The following COL9A1 variants were observed in gnomAD, a reference collection of about 807,000 sequenced individuals.
COL9A1 encodes collagen alpha-1(IX) chain.
COL9A1 carries 104 observed loss-of-function variants against 142.6 expected under a neutral mutation model. The observed-to-expected ratio is 0.73, with a 90% confidence interval of 0.62 to 0.86. The LOEUF (loss-of-function observed/expected upper bound fraction) is 0.86, where lower values mean the gene tolerates loss of function less well. Among genes scored for constraint, COL9A1 ranks in the 40% least tolerant of loss-of-function variants. COL9A1 has a pLI of 0.00. For missense variants in COL9A1, 1,210 were observed against 1,176.6 expected (o/e 1.03, Z -0.42); for synonymous variants, 466 against 396.0 (o/e 1.18, Z -2.10).
intron 20 of COL9A1, among the ~76,000 whole-genome samples, chr6:70,257,831 T>C (rs961439467): frequency 2.0e-5 from 3 of 152,186 alleles, no homozygotes; most frequent in African/African-American, 7.2e-5. Context: ...CTGCCACAAC[T>C]GTGAGAGGGA....
rs1193411382 is a variant in COL9A1 at position 70,302,884 on chromosome 6, C to T, written c.14+27G>A. The T allele has an allele frequency of 6.2e-6, 10 of 1,613,534 alleles. No homozygotes were observed. The Admixed American group carries it at 6.7e-5, about 11-fold the overall frequency. On this transcript the variant is annotated intron_variant, in intron 1 of 37. Coordinates refer to ENST00000357250, the MANE Select transcript of COL9A1 (RefSeq NM_001851.6). ...GAGGACCCCCAGCTCCATCTCCCCA[C>T]CACTCTTTCCAGGGTTATTGTCTTA...
At chr6:70,227,230 C>T (rs934080995) in intron 36 of COL9A1, among the ~76,000 whole-genome samples, 1 of 151,702 alleles carries the variant, frequency 6.6e-6, no homozygotes, top group Non-Finnish European at 1.5e-5. Flanking sequence ...AGAATTATGA[C>T]CTCAGATTGG....
intron 4 of COL9A1, among the ~76,000 whole-genome samples, 153 bp from the exon 5 acceptor site, chr6:70,294,716 A>G (rs529430216): frequency 1.3e-5 from 2 of 152,336 alleles, no homozygotes; most frequent in East Asian, 1.9e-4. Context: ...ATGACTGTTC[A>G]TAAAGACCTT....
intron 31 of COL9A1, 53 bp from the exon 32 acceptor site, chr6:70,240,786 A>G: frequency 2.2e-6 from 3 of 1,368,828 alleles, no homozygotes; most frequent in South Asian, 1.2e-5. Context: ...CCATTGCCCA[A>G]TTTTAACCAG....
At chr6:70,225,866 C>G in intron 37 of COL9A1, 66 bp downstream of exon 37, 1 of 1,127,840 alleles carries the variant, frequency 8.9e-7, no homozygotes, top group Non-Finnish European at 1.4e-6. Flanking sequence ...AAATTTTATT[C>G]AATTCAGGCT....
rs77708941 is a variant in COL9A1, at chr6:70,260,011, C to T, written c.1449+646G>A. Among the ~76,000 whole-genome samples, 107 of 152,202 alleles carry T rather than the reference C, an allele frequency of 7.0e-4. No individual in the cohort carries two copies. The East Asian group carries it at 0.019, about 27-fold the overall frequency. ...GGCTTACCTCTCCTTTTCCATCCTC[C>T]CTGTCTTTGCCTTGCCTGACCAGAA... is the stretch of plus-strand genomic sequence containing the variant. On this transcript the variant is annotated intron_variant, in intron 20 of 37. Coordinates refer to ENST00000357250, the MANE Select transcript of COL9A1 (RefSeq NM_001851.6).
At chr6:70,286,222 A>G (rs1773446709) in intron 5 of COL9A1, among the ~76,000 whole-genome samples, 1 of 152,198 alleles carries the variant, frequency 6.6e-6, no homozygotes, top group Non-Finnish European at 1.5e-5. Context: ...ATGTAAAGGT[A>G]TAATTCAATC....
intron 10 of COL9A1, chr6:70,279,648 CAAA>C (rs57993118): frequency 1.2e-3 from 70 of 58,244 alleles, no homozygotes; most frequent in East Asian, 6.4e-3. Flanking sequence ...AACTTCGTCT[CAAA>C]AAAAAAAAAA....
At chr6:70,250,347 C>A (rs1358161831) in intron 28 of COL9A1, among the ~76,000 whole-genome samples, 1 of 152,196 alleles carries the variant, frequency 6.6e-6, no homozygotes, top group African/African-American at 2.4e-5. Flanking sequence ...TCTTCCTGGG[C>A]TAGTCATATA....
chr6:70,280,729 C>G, intron 10 of COL9A1, 83 bp downstream of exon 10: 1 of 1,441,420 alleles, frequency 6.9e-7, no homozygotes, highest in Non-Finnish European at 9.5e-7. Flanking sequence ...TTCTCTCTCT[C>G]CCTCCCCCCC....
intron 32 of COL9A1, 82 bp downstream of exon 32, chr6:70,240,607 C>A: frequency 2.5e-6 from 2 of 811,396 alleles, no homozygotes; most frequent in Non-Finnish European, 3.9e-6. Flanking sequence ...CAATTTTGAA[C>A]TGTGTTAGAA....
At chr6:70,229,648 G>C (rs1769430668) in intron 36 of COL9A1, among the ~76,000 whole-genome samples, 1 of 152,036 alleles carries the variant, frequency 6.6e-6, no homozygotes, top group African/African-American at 2.4e-5. Context: ...CTTACTCAAA[G>C]GGACTTAAAA....
chr6:70,280,863 AC>A lies in COL9A1; in HGVS notation c.923del (p.Gly308ValfsTer20), dbSNP rs1447699920. On this transcript the variant is annotated frameshift_variant, in exon 10 of 38. Transcript: ENST00000357250. LOFTEE classifies it high-confidence loss of function. ...KGPPGPPGPA[G>X]EPGKPGAPGK... is the part of the protein sequence containing the mutation. ...CTGGAGCTCCTGGCTTTCCCGGTTC[AC>A]CTGCAGGACCCTGAGCAGGGGCAGA... The A allele has an allele frequency of 6.2e-7, 1 of 1,613,312 alleles. No homozygotes were observed. The highest frequency in any genetic ancestry group is 8.5e-7 in the Non-Finnish European group (1 of 1,179,834).
At chr6:70,278,276 A>G (rs1327559830) in intron 10 of COL9A1, among the ~76,000 whole-genome samples, 2 of 152,150 alleles carry the variant, frequency 1.3e-5, no homozygotes, top group Non-Finnish European at 2.9e-5. Flanking sequence ...TAAGATCGTC[A>G]CTTGTATTCG....
intron 19 of COL9A1, among the ~76,000 whole-genome samples, chr6:70,262,523 A>G (rs1771755702): frequency 6.6e-6 from 1 of 152,196 alleles, no homozygotes; most frequent in Non-Finnish European, 1.5e-5. Flanking sequence ...TAAGAATAGT[A>G]CCTGAGCTCG....
chr6:70,302,478 G>A (rs942473287), intron 1 of COL9A1, among the ~76,000 whole-genome samples: 7 of 151,986 alleles, frequency 4.6e-5, no homozygotes, highest in Non-Finnish European at 1.0e-4. Flanking sequence ...AAAGTGCTGG[G>A]ATTACAAGCA....
In COL9A1 at chr6:70,240,718, C is replaced by T. The variant is rs35470562; in HGVS notation, c.2050G>A (p.Glu684Lys). 1 of 1,612,948 alleles carries T rather than the reference C, an allele frequency of 6.2e-7. No individual in the cohort carries two copies. The highest frequency in any genetic ancestry group is 8.5e-7 in the Non-Finnish European group (1 of 1,179,424). The change falls in exon 32 of 38, where the codon GAA becomes AAA. Residue 684 changes from glutamate (E) to lysine (K), a missense_variant. Transcript: ENST00000357250. ...TCCCCCCTTTCTCCTGCTTCACCTT[C>T]TTCACCAGAGGCACCCTAAAAATTA... is the stretch of plus-strand genomic sequence containing the variant. ...PKGEQGASGE[E>K]GEAGERGELG... is the part of the protein sequence containing the mutation.
rs551470 is a variant in COL9A1, at chr6:70,269,422, A to G, written c.1230+211T>C. ...TTAGTCATAAAGTAAAAAGATCATAAAAGAACAAAGATACATCTATAATGA... is the reference window on the plus strand; with the variant it reads ...TTAGTCATAAAGTAAAAAGATCATAGAAGAACAAAGATACATCTATAATGA... On this transcript the variant is annotated intron_variant, in intron 16 of 37. Transcript: ENST00000357250. Among the ~76,000 whole-genome samples the G allele has an allele frequency of 0.97, 147,108 of 152,346 alleles. 71,087 individuals carry two copies. Among genetic ancestry groups the G allele is most frequent in the East Asian group, 1 (5,190 of 5,190 alleles).
intron 34 of COL9A1, 99 bp from the exon 35 acceptor site, chr6:70,234,692 G>A (rs1769784656): frequency 1.9e-6 from 3 of 1,602,868 alleles, no homozygotes; most frequent in Non-Finnish European, 1.7e-6. Context: ...CCAGGTGGCT[G>A]GATTTACAAG....
Sources: gnomAD v4.1 joint callset for allele counts (sites outside exome capture counted in the v4.1 genomes callset) on GRCh38, gnomAD v4.1.1 for gene constraint, MANE v1.5 for transcripts, NCBI Gene and HGNC (gene_info 2026-07-23, HGNC 2026-07-21) for gene names.